The following ALDH7A1 variants were observed in gnomAD, a reference collection of about 807,000 sequenced individuals.
The protein encoded by ALDH7A1 is aldehyde dehydrogenase 7 family member A1, also known as alpha-aminoadipic semialdehyde dehydrogenase.
In ALDH7A1, 63 loss-of-function variants were observed where a neutral mutation model predicts 79.9. The ratio of observed to expected loss-of-function variants is 0.79; its 90% CI spans 0.64 to 0.97. ALDH7A1 has a LOEUF of 0.97. ALDH7A1 is among the 50% of genes least tolerant of loss of function. The pLI, the probability that ALDH7A1 is intolerant of heterozygous loss-of-function variation, is 0.00. For missense variants in ALDH7A1, 627 were observed against 665.2 expected, an observed-to-expected ratio of 0.94 and a Z score of 0.63; for synonymous variants, 240 against 231.2, an observed-to-expected ratio of 1.04 and a Z score of -0.34.
At chr5:126,572,612 G>A (rs541933483) in intron 7 of ALDH7A1, among the ~76,000 whole-genome samples, 5 of 152,288 alleles carry the variant, frequency 3.3e-5, no homozygotes, top group African/African-American at 1.2e-4. Context: ...GAGTATCTAT[G>A]AGCTATTAAT....
At chr5:126,593,720 G>T in intron 1 of ALDH7A1, 1 of 476,250 alleles carries the variant, frequency 2.1e-6, no homozygotes, top group Non-Finnish European at 3.8e-6. Flanking sequence ...ACTAGTTTTA[G>T]TTATTTCTTC....
intron 17 of ALDH7A1, among the ~76,000 whole-genome samples, chr5:126,545,456 T>C (rs1481221168): frequency 3.7e-4 from 37 of 100,564 alleles, no homozygotes; most frequent in African/African-American, 1.2e-3. Flanking sequence ...AGAGACGGGG[T>C]TTCACCATGT....
intron 3 of ALDH7A1, 56 bp downstream of exon 3, chr5:126,592,608 G>T: frequency 6.5e-7 from 1 of 1,547,086 alleles, no homozygotes. Flanking sequence ...GTATCTCATT[G>T]GTTACAATAG....
intron 10 of ALDH7A1, among the ~76,000 whole-genome samples, chr5:126,559,789 T>C (rs1437088803): frequency 6.6e-6 from 1 of 152,122 alleles, no homozygotes; most frequent in African/African-American, 2.4e-5. Context: ...AAAGTAACCA[T>C]ATGCACGTTA....
intron 5 of ALDH7A1, among the ~76,000 whole-genome samples, chr5:126,578,755 T>C (rs1451215580): frequency 6.6e-6 from 1 of 152,144 alleles, no homozygotes; most frequent in East Asian, 1.9e-4. Flanking sequence ...TTTATTTTAA[T>C]TAAAGGCAGC....
intron 8 of ALDH7A1, chr5:126,569,278 T>C (rs62391527): frequency 0.12 from 18,396 of 152,274 alleles, 1,286 homozygotes; most frequent in African/African-American, 0.19. Flanking sequence ...CCGTGGTCCA[T>C]GGAAAAATTG....
chr5:126,592,545 C>T (rs894692234), intron 3 of ALDH7A1, 119 bp downstream of exon 3: 21 of 992,696 alleles, frequency 2.1e-5, no homozygotes, highest in Middle Eastern at 2.3e-4. Context: ...TCACAGCCCC[C>T]AAGGAGCTCA....
intron 9 of ALDH7A1, among the ~76,000 whole-genome samples, chr5:126,564,026 A>G (rs1750489313): frequency 6.6e-6 from 1 of 152,088 alleles, no homozygotes; most frequent in African/African-American, 2.4e-5. Context: ...GCTTCCAGCG[A>G]TCCACCCACC....
At chr5:126,570,323 T>C (rs1750730752) in intron 8 of ALDH7A1, 1 of 199,980 alleles carries the variant, frequency 5.0e-6, no homozygotes, top group African/African-American at 2.4e-5. Flanking sequence ...GTGAATTATA[T>C]GGCAATTAAA....
At chr5:126,567,182 T>C (rs971827514) in intron 9 of ALDH7A1, among the ~76,000 whole-genome samples, 3 of 152,172 alleles carry the variant, frequency 2.0e-5, no homozygotes, top group African/African-American at 7.2e-5. Context: ...TCTAAGTTGC[T>C]AGCCAATTGG....
At chr5:126,591,633 G>A (rs1488795610) in intron 3 of ALDH7A1, among the ~76,000 whole-genome samples, 1 of 152,148 alleles carries the variant, frequency 6.6e-6, no homozygotes, top group Admixed American at 6.5e-5. Flanking sequence ...CCAGGAGACA[G>A]GCACCCCCAG....
At chr5:126,565,179 G>C (rs1054389852) in intron 9 of ALDH7A1, among the ~76,000 whole-genome samples, 1 of 152,068 alleles carries the variant, frequency 6.6e-6, no homozygotes, top group African/African-American at 2.4e-5. Flanking sequence ...CGGATCACAA[G>C]GTCTGGAGTT....
intron 5 of ALDH7A1, among the ~76,000 whole-genome samples, chr5:126,580,576 A>G (rs942586241): frequency 1.3e-5 from 2 of 151,682 alleles, no homozygotes; most frequent in African/African-American, 4.9e-5. Flanking sequence ...ATTCCAAGAA[A>G]AAGAGAAAAA....
intron 5 of ALDH7A1, 173 bp downstream of exon 5, chr5:126,582,678 C>G: frequency 1.3e-6 from 1 of 798,624 alleles, no homozygotes; most frequent in South Asian, 1.8e-5. Context: ...GGTTCTTGAT[C>G]TAACATTTTC....
intron 9 of ALDH7A1, 50 bp downstream of exon 9, chr5:126,568,209 A>G (rs1488579591): frequency 1.9e-6 from 3 of 1,567,790 alleles, no homozygotes; most frequent in East Asian, 4.5e-5. Context: ...TTTAGATTTC[A>G]CCTCCATATT....
chr5:126,562,615 C>T (rs1322998851), intron 9 of ALDH7A1, among the ~76,000 whole-genome samples: 4 of 151,772 alleles, frequency 2.6e-5, no homozygotes, highest in Non-Finnish European at 4.4e-5. Flanking sequence ...TTTAGGAGGC[C>T]GAGGTGGGCA....
At chr5:126,552,604 C>T (rs932538263) in intron 13 of ALDH7A1, among the ~76,000 whole-genome samples, 3 of 151,928 alleles carry the variant, frequency 2.0e-5, no homozygotes, top group African/African-American at 7.3e-5. Context: ...ACCATTTTGG[C>T]CAGGCTGGTC....
At position 126,552,105 on chromosome 5, in the gene ALDH7A1, C is replaced by T. The variant is rs572831296; in HGVS notation, c.1233G>A (p.Pro411=). 2.2e-5 allele frequency: 35 copies of T among 1,613,946 alleles called. No homozygotes were observed. The Middle Eastern group carries it at 5.0e-4, about 23-fold the overall frequency. Residue 411 remains proline (P), a synonymous_variant, in exon 14 of 18, where the codon CCG becomes CCA. Coordinates refer to ENST00000409134, the MANE Select transcript of ALDH7A1 (RefSeq NM_001182.5). ...VMDRPGNYVE[P]TIVTGLGHDA... ...CGTGGCCAAGACCTGTCACAATTGT[C>T]GGTTCTACATAATTTCCAGGGCGAT...
At chr5:126,555,717 T>A (rs1270532232) in intron 12 of ALDH7A1, among the ~76,000 whole-genome samples, 2 of 152,072 alleles carry the variant, frequency 1.3e-5, no homozygotes, top group African/African-American at 4.8e-5. Context: ...TCATTCCATC[T>A]AAACAACCTC....
Sources: gnomAD v4.1 joint callset for allele counts (sites outside exome capture counted in the v4.1 genomes callset) on GRCh38, gnomAD v4.1.1 for gene constraint, MANE v1.5 for transcripts, NCBI Gene and HGNC (gene_info 2026-07-23, HGNC 2026-07-21) for gene names.